The following LDLRAD3 variants were observed in gnomAD, a reference collection of about 807,000 sequenced individuals.
LDLRAD3 encodes low-density lipoprotein receptor class A domain-containing protein 3.
LDLRAD3 carries 20 observed loss-of-function variants against 29.4 expected under a neutral mutation model. That is an observed-to-expected ratio of 0.68 (90% CI 0.48 to 0.99). The LOEUF is 0.99. LDLRAD3 is among the 50% of genes least tolerant of loss of function. LDLRAD3 has a pLI of 0.00. For synonymous variants in LDLRAD3, 157 were observed against 192.7 expected, an observed-to-expected ratio of 0.81 and a Z score of 1.53; for missense variants, 420 against 454.3, an observed-to-expected ratio of 0.92 and a Z score of 0.69.
chr11:36,184,608 A>G (rs1302398007), intron 4 of LDLRAD3, among the ~76,000 whole-genome samples: 1 of 152,212 alleles, frequency 6.6e-6, no homozygotes, highest in African/African-American at 2.4e-5. Context: ...TAGGAGTACT[A>G]CCAGTTCAGG....
intron 1 of LDLRAD3, among the ~76,000 whole-genome samples, chr11:35,959,241 T>C (rs1195370980): frequency 1.3e-5 from 2 of 152,216 alleles, no homozygotes; most frequent in East Asian, 3.8e-4. Context: ...GCAGACAGTT[T>C]ATCAGAGAAA....
At chr11:36,173,589 A>T (rs377676734) in intron 4 of LDLRAD3, among the ~76,000 whole-genome samples, 1 of 151,976 alleles carries the variant, frequency 6.6e-6, no homozygotes, top group African/African-American at 2.4e-5. Flanking sequence ...TCTATCATTG[A>T]TGGACATTTG....
At chr11:36,191,599 T>TACACACAC (rs71044557) in intron 4 of LDLRAD3, among the ~76,000 whole-genome samples, 1 of 93,146 alleles carries the variant, frequency 1.1e-5, no homozygotes, top group African/African-American at 4.5e-5. Context: ...TATATATATA[T>TACACACAC]ACACACACAC....
At chr11:35,965,919 A>C (rs1193049989) in intron 1 of LDLRAD3, among the ~76,000 whole-genome samples, 1 of 152,216 alleles carries the variant, frequency 6.6e-6, no homozygotes, top group Non-Finnish European at 1.5e-5. Context: ...TATGACCAAC[A>C]TTATTTTATA....
intron 4 of LDLRAD3, among the ~76,000 whole-genome samples, chr11:36,121,797 C>T (rs1488745673): frequency 2.0e-5 from 3 of 152,176 alleles, no homozygotes; most frequent in African/African-American, 4.8e-5. Context: ...TGATGCTGTG[C>T]CAGTGTGGGA....
At chr11:36,007,200 T>G (rs1004230532) in intron 1 of LDLRAD3, among the ~76,000 whole-genome samples, 4 of 152,226 alleles carry the variant, frequency 2.6e-5, no homozygotes, top group Admixed American at 6.5e-5. Context: ...AAGTCGTACA[T>G]GCACCCGAAG....
At chr11:36,040,116 G>T (rs1852361257) in intron 2 of LDLRAD3, among the ~76,000 whole-genome samples, 2 of 152,148 alleles carry the variant, frequency 1.3e-5, no homozygotes, top group South Asian at 4.1e-4. Flanking sequence ...CCTCGGAGAG[G>T]TGATTACTTC....
intron 4 of LDLRAD3, among the ~76,000 whole-genome samples, chr11:36,169,364 C>T (rs1476588136): frequency 2.6e-5 from 4 of 152,182 alleles, no homozygotes; most frequent in Non-Finnish European, 5.9e-5. Flanking sequence ...CACCCTACTG[C>T]GCTGTTGAAT....
chr11:36,163,848 G>C (rs1249688443), intron 4 of LDLRAD3, among the ~76,000 whole-genome samples: 2 of 152,178 alleles, frequency 1.3e-5, no homozygotes, highest in Non-Finnish European at 2.9e-5. Flanking sequence ...TATATTGGGG[G>C]AATAGTGTCT....
chr11:36,051,763 GAAAAGA>G (rs1372768672), intron 2 of LDLRAD3, among the ~76,000 whole-genome samples: 8 of 129,116 alleles, frequency 6.2e-5, no homozygotes, highest in South Asian at 2.6e-4. Flanking sequence ...CAAAAAGAAA[GAAAAGA>G]AAAAGAAAAA....
At chr11:35,993,224 C>T (rs959220915) in intron 1 of LDLRAD3, among the ~76,000 whole-genome samples, 1 of 152,086 alleles carries the variant, frequency 6.6e-6, no homozygotes, top group Non-Finnish European at 1.5e-5. Context: ...AAAGATTGAG[C>T]AAATTTGGGG....
At chr11:36,227,489 T>C in intron 5 of LDLRAD3, 59 bp downstream of exon 5, 2 of 1,279,338 alleles carry the variant, frequency 1.6e-6, no homozygotes, top group Non-Finnish European at 1.1e-6. Context: ...GGGAGGGGAA[T>C]AGGTGCACAC....
intron 1 of LDLRAD3, among the ~76,000 whole-genome samples, chr11:35,966,433 A>G (rs905830546): frequency 2.6e-5 from 4 of 152,234 alleles, no homozygotes; most frequent in Non-Finnish European, 5.9e-5. Context: ...CCAAAAAACA[A>G]AAAGCAAAAA....
At chr11:36,107,040 A>T (rs1853538955) in intron 4 of LDLRAD3, among the ~76,000 whole-genome samples, 3 of 152,322 alleles carry the variant, frequency 2.0e-5, no homozygotes, top group Admixed American at 2.0e-4. Flanking sequence ...GATCTGTCCC[A>T]GCTGAAGCCA....
chr11:36,228,856 G>T (rs1855534365), intron 5 of LDLRAD3, among the ~76,000 whole-genome samples: 3 of 152,092 alleles, frequency 2.0e-5, no homozygotes, highest in African/African-American at 7.2e-5. Context: ...GAGCAGAGTG[G>T]CAATGCCAAA....
At chr11:35,950,486 C>T (rs1289956047) in intron 1 of LDLRAD3, among the ~76,000 whole-genome samples, 2 of 151,940 alleles carry the variant, frequency 1.3e-5, no homozygotes, top group African/African-American at 2.4e-5. Flanking sequence ...GCCTTCTTTA[C>T]CTTATGGTCA....
chr11:36,115,178 T>A (rs1055984727), intron 4 of LDLRAD3, among the ~76,000 whole-genome samples: 1 of 152,220 alleles, frequency 6.6e-6, no homozygotes, highest in Non-Finnish European at 1.5e-5. Flanking sequence ...CACCCCTGGC[T>A]GCTTCAGCCA....
At chr11:36,090,415 G>A (rs2133265731) in intron 3 of LDLRAD3, among the ~76,000 whole-genome samples, 1 of 152,266 alleles carries the variant, frequency 6.6e-6, no homozygotes, top group South Asian at 2.1e-4. Flanking sequence ...GTGAGAGGGT[G>A]TTCAGGCAGA....
intron 4 of LDLRAD3, among the ~76,000 whole-genome samples, chr11:36,218,756 C>T (rs61881465): frequency 0.067 from 10,234 of 152,260 alleles, 452 homozygotes; most frequent in East Asian, 0.2. Flanking sequence ...TGGCCCCTCC[C>T]CTCATGACCC....
Sources: allele counts gnomAD v4.1 joint callset (sites outside exome capture counted in the v4.1 genomes callset), GRCh38; gene constraint gnomAD v4.1.1; transcripts MANE v1.5; gene names NCBI Gene and HGNC (gene_info 2026-07-23, HGNC 2026-07-21).